Variants in EXOSC4 observed in about 807,000 individuals in gnomAD.
EXOSC4 encodes exosome component 4.
EXOSC4 carries 14 observed loss-of-function variants against 20.0 expected under a neutral mutation model. The ratio of observed to expected loss-of-function variants is 0.70; its 90% CI spans 0.46 to 1.09. EXOSC4 has a LOEUF of 1.09. Ranked by LOEUF, EXOSC4 falls within the 50% of genes least tolerant of loss-of-function variation. EXOSC4 has a pLI of 0.00. For missense variants in EXOSC4, 337 were observed against 334.0 expected, an observed-to-expected ratio of 1.01 and a Z score of -0.07; for synonymous variants, 148 against 146.4, an observed-to-expected ratio of 1.01 and a Z score of -0.08.
At chr8:144,074,188 A>C (rs1835816197), upstream of EXOSC4, among the ~76,000 whole-genome samples, 1 of 152,218 alleles carries the variant, frequency 6.6e-6, no homozygotes, top group Non-Finnish European at 1.5e-5. Context: ...TAAAATTTGC[A>C]AAAGTGAAAT....
upstream of EXOSC4, chr8:144,078,465 T>A: frequency 3.0e-6 from 1 of 338,420 alleles, no homozygotes. This position sits in a 1 kb window ranked among gnomAD's most constrained non-coding sequence, Gnocchi z 4.7. Flanking sequence ...GAGACAGAAG[T>A]AGAGCCGGAC....
the EXOSC4 span, among the ~76,000 whole-genome samples, chr8:144,064,902 C>T: frequency 1.9e-4 from 27 of 145,320 alleles, no homozygotes; most frequent in Non-Finnish European, 3.3e-4. Flanking sequence ...AGTGCAGTGG[C>T]GCCATCTGGG....
chr8:144,078,517 A>G, upstream of EXOSC4: 1 of 433,540 alleles, frequency 2.3e-6, no homozygotes, highest in Non-Finnish European at 3.9e-6. The surrounding 1 kb of genome is among the most constrained non-coding windows in gnomAD (Gnocchi z 4.7). Context: ...GCCGCGGTGA[A>G]CTCCAGTTCA....
chr8:144,065,662 G>A, the EXOSC4 span, among the ~76,000 whole-genome samples: 51 of 152,198 alleles, frequency 3.4e-4, no homozygotes, highest in African/African-American at 1.1e-3. Context: ...TTGAACCTGG[G>A]AGGCAGAGGT....
In EXOSC4 at chr8:144,078,786, G is replaced by A. The variant is rs781840523; in HGVS notation, c.58G>A (p.Gly20Arg). ...CTACCGGGTGGACGGGCGGCGCGCC[G>A]GGGAGCTGCGCAAGATCCAGGCGCG... ...QGYRVDGRRA[G>R]ELRKIQARMG... The change falls in exon 1 of 3, where the codon GGG becomes AGG. Residue 20 changes from glycine to arginine, a missense_variant. Coordinates refer to ENST00000316052, the MANE Select transcript of EXOSC4 (RefSeq NM_019037.3). The surrounding 1 kb of genome is among the most constrained non-coding windows in gnomAD (Gnocchi z 4.7). 1.3e-6 allele frequency: 2 copies of A among 1,550,126 alleles called. No homozygotes were observed. The highest frequency in any genetic ancestry group is 2.0e-5 in the Admixed American group (1 of 51,014).
chr8:144,076,502 T>C (rs1356147627), upstream of EXOSC4, among the ~76,000 whole-genome samples: 1 of 151,918 alleles, frequency 6.6e-6, no homozygotes, highest in African/African-American at 2.4e-5. Context: ...AGTACGAGGG[T>C]CAGAGAACCA....
the EXOSC4 span, among the ~76,000 whole-genome samples, chr8:144,073,160 C>A: frequency 6.6e-6 from 1 of 152,014 alleles, no homozygotes; most frequent in Non-Finnish European, 1.5e-5. Context: ...CCAAGGTGGG[C>A]GGATCACCTG....
upstream of EXOSC4, among the ~76,000 whole-genome samples, chr8:144,077,312 G>A (rs1386940308): frequency 6.6e-6 from 1 of 152,164 alleles, no homozygotes; most frequent in Non-Finnish European, 1.5e-5. Flanking sequence ...GACAGTAAGA[G>A]CTCAGACTGA....
At chr8:144,076,470 CAT>C (rs1835836317), upstream of EXOSC4, among the ~76,000 whole-genome samples, 1 of 152,150 alleles carries the variant, frequency 6.6e-6, no homozygotes, top group Non-Finnish European at 1.5e-5. Flanking sequence ...TGAATCGACC[CAT>C]GTGTGTACCC....
chr8:144,073,850 C>CA (rs145859393), upstream of EXOSC4, among the ~76,000 whole-genome samples: 396 of 133,638 alleles, frequency 3.0e-3, 3 homozygotes, highest in African/African-American at 7.5e-3. Flanking sequence ...GACTCTGTCT[C>CA]AAAAAAAAAA....
chr8:144,080,567 A>T lies in EXOSC4; in HGVS notation c.704A>T (p.His235Leu). The T allele has an allele frequency of 6.3e-7, 1 of 1,599,760 alleles. No individual in the cohort carries two copies. Among genetic ancestry groups the T allele is most frequent in the Non-Finnish European group, 8.5e-7 (1 of 1,179,872 alleles). The change falls in exon 3 of 3, where the codon CAT becomes CTT. Residue 235 changes from histidine (H) to leucine (L), a missense_variant. Coordinates refer to ENST00000316052, the MANE Select transcript of EXOSC4 (RefSeq NM_019037.3). This position sits in a 1 kb window ranked among gnomAD's most constrained non-coding sequence, Gnocchi z 4.9. ...CTCTTAGATCGAGTGGTCCGGCAGCATGTGCGTGAGGCCTCTATCTTGCTG... is the reference window on the plus strand; with the variant it reads ...CTCTTAGATCGAGTGGTCCGGCAGCTTGTGCGTGAGGCCTCTATCTTGCTG... ...HTLLDRVVRQ[H>L]VREASILLGD is the part of the protein sequence containing the mutation.
At chr8:144,065,018 AT>A in the EXOSC4 span, among the ~76,000 whole-genome samples, 32 of 150,778 alleles carry the variant, frequency 2.1e-4, no homozygotes, top group East Asian at 3.9e-3. Flanking sequence ...ATTTTTTTGT[AT>A]TTTTTTTAGT....
chr8:144,077,681 G>A (rs1473604128), upstream of EXOSC4, among the ~76,000 whole-genome samples: 1 of 152,198 alleles, frequency 6.6e-6, no homozygotes, highest in Non-Finnish European at 1.5e-5. Flanking sequence ...GTGGCAGGAG[G>A]GACACTATGT....
the EXOSC4 span, among the ~76,000 whole-genome samples, chr8:144,070,701 G>A: frequency 3.3e-5 from 5 of 151,884 alleles, no homozygotes; most frequent in Admixed American, 2.0e-4. Flanking sequence ...GGTGGCGCAC[G>A]CCTGCAATCC....
chr8:144,078,832 C>A lies in EXOSC4; in HGVS notation c.104C>A (p.Ala35Asp), dbSNP rs1327514168. 23 of 1,581,038 alleles carry A rather than the reference C, an allele frequency of 1.5e-5. No individual in the cohort carries two copies. The highest frequency in any genetic ancestry group is 2.0e-5 in the Non-Finnish European group (23 of 1,166,336). The change falls in exon 1 of 3, where the codon GCT becomes GAT. Residue 35 changes from alanine to aspartate, a missense_variant. By Grantham distance (126) the Ala-to-Asp change is moderately radical (BLOSUM62 -2). Coordinates refer to ENST00000316052, the MANE Select transcript of EXOSC4 (RefSeq NM_019037.3). This position sits in a 1 kb window ranked among gnomAD's most constrained non-coding sequence, Gnocchi z 4.7. ...IQARMGVFAQ[A>D]DGSAYIEQGN... ...GCGCGGATGGGCGTGTTCGCGCAGGCTGACGGCTCGGCCTACATTGAGCAG... is the reference window on the plus strand; with the variant it reads ...GCGCGGATGGGCGTGTTCGCGCAGGATGACGGCTCGGCCTACATTGAGCAG...
chr8:144,065,687 A>G, the EXOSC4 span, among the ~76,000 whole-genome samples: 17 of 152,154 alleles, frequency 1.1e-4, no homozygotes, highest in Non-Finnish European at 2.4e-4. Context: ...GTGAGCTGAG[A>G]TCGTGCCACT....
At chr8:144,078,667 G>A (rs559257152), upstream of EXOSC4, 2 of 1,348,598 alleles carry the variant, frequency 1.5e-6, no homozygotes, top group Non-Finnish European at 9.6e-7. The surrounding 1 kb of genome is among the most constrained non-coding windows in gnomAD (Gnocchi z 4.7). Flanking sequence ...GAGCCGCCGG[G>A]AGCTGTAGTT....
rs141229810 is a variant in EXOSC4, at chr8:144,080,551, C to G, written c.688C>G (p.Arg230Gly). 23 of 1,600,672 alleles carry G rather than the reference C, an allele frequency of 1.4e-5. No homozygotes were observed. Among genetic ancestry groups the G allele is most frequent in the Non-Finnish European group, 1.9e-5 (23 of 1,179,958 alleles). The change falls in exon 3 of 3, where the codon CGA (arginine) becomes GGA (glycine). Residue 230 changes from arginine to glycine, a missense_variant. By Grantham distance (125) the Arg-to-Gly change is moderately radical. Coordinates refer to ENST00000316052, the MANE Select transcript of EXOSC4 (RefSeq NM_019037.3). This position sits in a 1 kb window ranked among gnomAD's most constrained non-coding sequence, Gnocchi z 4.9. ...CCGAGATGTGCACACCCTCTTAGAT[C>G]GAGTGGTCCGGCAGCATGTGCGTGA... ...AARDVHTLLD[R>G]VVRQHVREAS... is the part of the protein sequence containing the mutation.
chr8:144,071,390 C>G, the EXOSC4 span, among the ~76,000 whole-genome samples: 1 of 148,484 alleles, frequency 6.7e-6, no homozygotes, highest in South Asian at 2.2e-4. Flanking sequence ...CAGTGTCCCA[C>G]TTCTCCCGCC....
Sources: allele counts gnomAD v4.1 joint callset (sites outside exome capture counted in the v4.1 genomes callset), GRCh38; gene constraint gnomAD v4.1.1; non-coding constraint Gnocchi (gnomAD v3.1); transcripts MANE v1.5; gene names NCBI Gene and HGNC (gene_info 2026-07-23, HGNC 2026-07-21).